Variants in NDUFV2 observed in about 807,000 individuals in gnomAD.
The protein encoded by NDUFV2 is NADH:ubiquinone oxidoreductase core subunit V2.
In NDUFV2, 18 loss-of-function variants were observed where a neutral mutation model predicts 31.6. That is an observed-to-expected ratio of 0.57 (90% CI 0.39 to 0.84). The LOEUF is 0.84. Ranked by LOEUF, NDUFV2 falls within the 40% of genes least tolerant of loss-of-function variation. The pLI is 0.00. For synonymous variants in NDUFV2, 83 were observed against 99.8 expected, an observed-to-expected ratio of 0.83 and a Z score of 1.01; for missense variants, 314 against 303.6, an observed-to-expected ratio of 1.03 and a Z score of -0.26.
At chr18:9,114,823 C>T (rs2077890019) in intron 1 of NDUFV2, among the ~76,000 whole-genome samples, 2 of 152,146 alleles carry the variant, frequency 1.3e-5, no homozygotes, top group Admixed American at 6.5e-5. Context: ...AACTCATGTG[C>T]GTATCCAGAG....
chr18:9,124,517 C>T (rs187653794), intron 5 of NDUFV2, among the ~76,000 whole-genome samples: 1,557 of 148,672 alleles, frequency 0.01, 34 homozygotes, highest in African/African-American at 0.037. Context: ...GGCGCAATCT[C>T]GGCTCACTGC....
At chr18:9,128,740 G>A (rs1239644622) in intron 7 of NDUFV2, among the ~76,000 whole-genome samples, 1 of 152,074 alleles carries the variant, frequency 6.6e-6, no homozygotes, top group Admixed American at 6.6e-5. Flanking sequence ...TTAGGATTCA[G>A]GTATTTTAAA....
intron 4 of NDUFV2, among the ~76,000 whole-genome samples, 172 bp from the exon 5 acceptor site, chr18:9,122,341 T>C (rs143831011): frequency 1.3e-5 from 2 of 152,338 alleles, no homozygotes; most frequent in African/African-American, 2.4e-5. Flanking sequence ...TCTGCAAAAA[T>C]TGAAGAGTTT....
chr18:9,116,147 A>G (rs1270389533), intron 1 of NDUFV2, among the ~76,000 whole-genome samples: 1 of 152,198 alleles, frequency 6.6e-6, no homozygotes, highest in African/African-American at 2.4e-5. Flanking sequence ...GCCTCTTGTC[A>G]TCAAATGTGT....
At chr18:9,105,012 T>G (rs979472448) in intron 1 of NDUFV2, 1 of 1,511,474 alleles carries the variant, frequency 6.6e-7, no homozygotes, top group Non-Finnish European at 9.0e-7. Flanking sequence ...TGCTCTTTTG[T>G]AATGTATTCT....
chr18:9,112,491 TTTTTG>T (rs1437796932), intron 1 of NDUFV2: 2 of 152,290 alleles, frequency 1.3e-5, no homozygotes, highest in African/African-American at 4.8e-5. Context: ...TTTTTGTTTG[TTTTTG>T]TTTTGAGACA....
chr18:9,102,849 C>T (rs1478710856), intron 1 of NDUFV2, 52 bp downstream of exon 1: 14 of 1,521,738 alleles, frequency 9.2e-6, no homozygotes, highest in Non-Finnish European at 1.2e-5. Flanking sequence ...CTCTTGCTCT[C>T]CGTGTCTCCC....
chr18:9,121,013 A>C (rs1173558168), intron 4 of NDUFV2, among the ~76,000 whole-genome samples: 1 of 152,152 alleles, frequency 6.6e-6, no homozygotes, highest in Non-Finnish European at 1.5e-5. Flanking sequence ...GGTACTCAGG[A>C]TGTTGATGTG....
At chr18:9,116,371 A>T (rs1003889413) in intron 1 of NDUFV2, among the ~76,000 whole-genome samples, 1 of 152,228 alleles carries the variant, frequency 6.6e-6, no homozygotes, top group African/African-American at 2.4e-5. Flanking sequence ...TATTATAAGT[A>T]TACAGTCTTT....
At chr18:9,134,137 A>C (rs1178867642) in intron 7 of NDUFV2, 49 bp from the exon 8 acceptor site, 2 of 1,461,260 alleles carry the variant, frequency 1.4e-6, no homozygotes, top group Admixed American at 1.7e-5. Context: ...TTTAAGTAAA[A>C]ATTTACAAAT....
intron 5 of NDUFV2, among the ~76,000 whole-genome samples, chr18:9,122,887 A>T (rs1035890174): frequency 2.0e-5 from 3 of 152,068 alleles, no homozygotes; most frequent in African/African-American, 7.2e-5. Flanking sequence ...CTGAGTTTTT[A>T]ATTTTTTCTT....
rs2077948619 is a variant in NDUFV2 at position 9,122,655 on chromosome 18, T to C, written c.443T>C (p.Ile148Thr). 1 of 1,613,892 alleles carries C rather than the reference T, an allele frequency of 6.2e-7. No homozygotes were observed. The highest frequency in any genetic ancestry group is 1.3e-5 in the African/African-American group (1 of 74,928). The part of the protein sequence containing the change: ...TPCMLRNSDS[I>T]LEAIQKKLGI... ...TGCATGCTTCGAAACTCTGACAGCA[T>C]ACTGGAGGCCATTCAGAAAAAGCTT... Residue 148 changes from isoleucine to threonine, a missense_variant, in exon 5 of 8, where the codon ATA (isoleucine) becomes ACA (threonine). Physicochemically the swap from Ile to Thr is moderately conservative, Grantham distance 89 (BLOSUM62 -1). Transcript: ENST00000318388.
chr18:9,120,597 AG>A (rs1210005955), intron 4 of NDUFV2, among the ~76,000 whole-genome samples: 31 of 152,336 alleles, frequency 2.0e-4, no homozygotes, highest in African/African-American at 7.2e-4. Context: ...TTTATCTAAT[AG>A]AATCCTAAAT....
At chr18:9,108,777 G>A (rs1442512986) in intron 1 of NDUFV2, among the ~76,000 whole-genome samples, 5 of 147,276 alleles carry the variant, frequency 3.4e-5, no homozygotes, top group South Asian at 4.3e-4. Context: ...TGCAACCTCT[G>A]CCTCCCGGGT....
chr18:9,104,357 G>T, intron 1 of NDUFV2: 1 of 1,479,760 alleles, frequency 6.8e-7, no homozygotes, highest in African/African-American at 1.4e-5. Flanking sequence ...AGAGGAATAA[G>T]ATGTGGTTTC....
At chr18:9,102,919 C>G in intron 1 of NDUFV2, 122 bp downstream of exon 1, 1 of 1,076,566 alleles carries the variant, frequency 9.3e-7, no homozygotes, top group Non-Finnish European at 1.3e-6. Flanking sequence ...GCGGCAAGGA[C>G]ACTGCGGCCT....
intron 1 of NDUFV2, among the ~76,000 whole-genome samples, chr18:9,111,649 G>A (rs1038534142): frequency 1.3e-5 from 2 of 151,802 alleles, no homozygotes; most frequent in Non-Finnish European, 2.9e-5. Context: ...GGCTGGTCTC[G>A]AACTCATGAC....
At position 9,106,962 on chromosome 18, in the gene NDUFV2, A is replaced by G. The variant is rs138224813; in HGVS notation, c.54+4165A>G. Among the ~76,000 whole-genome samples the G allele has an allele frequency of 5.5e-3, 839 of 152,174 alleles. 8 individuals are homozygous for G. The highest frequency in any genetic ancestry group is 0.019 in the African/African-American group (781 of 41,496). The stretch of plus-strand genomic sequence containing the variant: ...CTTGCCTCTTGGTAAGAACCCTGTG[A>G]TTGATGACATTGGGCCCACCTAGAT... On this transcript the variant is annotated intron_variant, in intron 1 of 7. Transcript: ENST00000318388.
At chr18:9,117,496 T>C in intron 1 of NDUFV2, 1 of 274,016 alleles carries the variant, frequency 3.6e-6, no homozygotes, top group South Asian at 4.6e-5. Flanking sequence ...GCATCCAAGT[T>C]GATTCAGACA....
Sources: allele counts gnomAD v4.1 joint callset (sites outside exome capture counted in the v4.1 genomes callset), GRCh38; gene constraint gnomAD v4.1.1; transcripts MANE v1.5; gene names NCBI Gene and HGNC (gene_info 2026-07-23, HGNC 2026-07-21).